LINGO2: variants seen among roughly 807,000 people sequenced by gnomAD.
The protein encoded by LINGO2 is leucine-rich repeat and immunoglobulin-like domain-containing nogo receptor-interacting protein 2.
A neutral mutation model predicts 30.6 loss-of-function variants in LINGO2; 14 were observed. That is an observed-to-expected ratio of 0.46 (90% confidence interval 0.30 to 0.72). LINGO2 has a LOEUF of 0.72. Among genes scored for constraint, LINGO2 ranks in the 30% least tolerant of loss-of-function variants. The pLI is 0.07. For missense variants in LINGO2, 729 were observed against 751.7 expected (o/e 0.97, Z 0.35); for synonymous variants, 317 against 288.5 (o/e 1.10, Z -1.00).
chr9:28,717,994 A>T, the LINGO2 span, among the ~76,000 whole-genome samples: 1 of 152,086 alleles, frequency 6.6e-6, no homozygotes, highest in Non-Finnish European at 1.5e-5. Flanking sequence ...GAAATAAGGC[A>T]GTGTCCCCAA....
At chr9:29,116,450 T>G in the LINGO2 span, among the ~76,000 whole-genome samples, 24,208 of 142,002 alleles carry the variant, frequency 0.17, 2,053 homozygotes, top group East Asian at 0.37. Flanking sequence ...TACTCCCTTT[T>G]ATCTTGTTTT....
chr9:29,146,010 A>G, the LINGO2 span, among the ~76,000 whole-genome samples: 198 of 152,304 alleles, frequency 1.3e-3, no homozygotes, highest in African/African-American at 4.5e-3. Context: ...ATGCACACAC[A>G]TATACATTGG....
chr9:27,990,611 T>TC (rs1821352518), intron 5 of LINGO2, among the ~76,000 whole-genome samples: 1 of 151,632 alleles, frequency 6.6e-6, no homozygotes, highest in South Asian at 2.1e-4. Flanking sequence ...TCAAAATGAG[T>TC]CTTTTTAACA....
chr9:29,057,920 A>G, the LINGO2 span, among the ~76,000 whole-genome samples: 1 of 152,132 alleles, frequency 6.6e-6, no homozygotes, highest in Admixed American at 6.6e-5. Context: ...GTCCTAATAG[A>G]GTTCAACGAC....
chr9:29,102,107 A>T, the LINGO2 span, among the ~76,000 whole-genome samples: 4 of 148,966 alleles, frequency 2.7e-5, no homozygotes, highest in Admixed American at 1.3e-4. Flanking sequence ...TTCGAGACCC[A>T]GTCTCGCTCT....
At chr9:28,192,769 G>T (rs755401215) in intron 4 of LINGO2, among the ~76,000 whole-genome samples, 1 of 152,090 alleles carries the variant, frequency 6.6e-6, no homozygotes, top group African/African-American at 2.4e-5. Flanking sequence ...TGGCCAATCT[G>T]GGTTCTCTTT....
chr9:28,646,975 T>G (rs2135956246), intron 1 of LINGO2, among the ~76,000 whole-genome samples: 1 of 152,172 alleles, frequency 6.6e-6, no homozygotes, highest in African/African-American at 2.4e-5. Flanking sequence ...AGAGACATAA[T>G]TCCAGAATGT....
At chr9:28,555,566 G>A (rs1254440659) in intron 1 of LINGO2, among the ~76,000 whole-genome samples, 1 of 151,998 alleles carries the variant, frequency 6.6e-6, no homozygotes, top group Non-Finnish European at 1.5e-5. Context: ...TCTACCAGAG[G>A]TACAAGGAGG....
the LINGO2 span, among the ~76,000 whole-genome samples, chr9:29,066,729 G>C: frequency 4.0e-5 from 6 of 151,800 alleles, no homozygotes; most frequent in Non-Finnish European, 8.8e-5. Flanking sequence ...AGGATGGAGA[G>C]GTAGAAGTTA....
At chr9:28,888,739 T>C in the LINGO2 span, 1 of 422,646 alleles carries the variant, frequency 2.4e-6, no homozygotes. Flanking sequence ...CTTGCCTAAC[T>C]GAATTATTTT....
chr9:28,617,547 G>C (rs925259421), intron 1 of LINGO2, among the ~76,000 whole-genome samples: 1 of 151,790 alleles, frequency 6.6e-6, no homozygotes, highest in Non-Finnish European at 1.5e-5. Flanking sequence ...CGCCCTCCTC[G>C]GCCTCCCAAA....
At chr9:28,508,057 G>T (rs1489147002) in intron 1 of LINGO2, among the ~76,000 whole-genome samples, 3 of 151,892 alleles carry the variant, frequency 2.0e-5, no homozygotes, top group African/African-American at 7.3e-5. Context: ...TGTAATCTGG[G>T]TTCATTCCAA....
At chr9:28,550,897 T>C (rs1194270476) in intron 1 of LINGO2, among the ~76,000 whole-genome samples, 1 of 151,868 alleles carries the variant, frequency 6.6e-6, no homozygotes, top group African/African-American at 2.4e-5. Context: ...CATATTCCTA[T>C]GGTGAAAATT....
the LINGO2 span, among the ~76,000 whole-genome samples, chr9:29,158,196 A>C: frequency 1.3e-5 from 2 of 150,728 alleles, no homozygotes; most frequent in Non-Finnish European, 3.0e-5. Context: ...AAAAAAAACA[A>C]AAAAAAAACA....
At chr9:28,809,704 C>G in the LINGO2 span, among the ~76,000 whole-genome samples, 1 of 149,238 alleles carries the variant, frequency 6.7e-6, no homozygotes, top group Non-Finnish European at 1.5e-5. Context: ...CGAGATCGTG[C>G]CATTGTACTC....
chr9:28,364,890 T>C (rs1820598181), intron 3 of LINGO2, among the ~76,000 whole-genome samples: 2 of 152,216 alleles, frequency 1.3e-5, no homozygotes, highest in South Asian at 4.1e-4. Flanking sequence ...CACATATTTA[T>C]TTCATTCATT....
chr9:28,898,053 A>G, the LINGO2 span, among the ~76,000 whole-genome samples: 1 of 152,160 alleles, frequency 6.6e-6, no homozygotes, highest in African/African-American at 2.4e-5. Context: ...GAGGAAGAAT[A>G]AAAGTAGTGA....
At chr9:28,879,070 A>T in the LINGO2 span, among the ~76,000 whole-genome samples, 3 of 152,296 alleles carry the variant, frequency 2.0e-5, no homozygotes, top group Admixed American at 2.0e-4. Context: ...AGATGACATG[A>T]TTGTACAACT....
At chr9:28,034,970 G>T (rs1413277751) in intron 4 of LINGO2, among the ~76,000 whole-genome samples, 1 of 152,198 alleles carries the variant, frequency 6.6e-6, no homozygotes, top group South Asian at 2.1e-4. Flanking sequence ...CTGTGTACAT[G>T]AGAAGTATCT....
Sources: allele counts gnomAD v4.1 joint callset (sites outside exome capture counted in the v4.1 genomes callset), GRCh38; gene constraint gnomAD v4.1.1; transcripts MANE v1.5; gene names NCBI Gene and HGNC (gene_info 2026-07-23, HGNC 2026-07-21).